Variants in CHRM3 observed in about 807,000 individuals in gnomAD.
The protein encoded by CHRM3 is cholinergic receptor muscarinic 3.
A neutral mutation model predicts 41.8 loss-of-function variants in CHRM3; 11 were observed. The ratio of observed to expected loss-of-function variants is 0.26; its 90% CI spans 0.17 to 0.44. The LOEUF is 0.44. CHRM3 is among the 20% of genes least tolerant of loss of function. The pLI, the probability that CHRM3 is intolerant of heterozygous loss-of-function variation, is 1.00. For missense variants in CHRM3, 571 were observed against 745.4 expected (o/e 0.77, Z 2.72); for synonymous variants, 297 against 301.4 (o/e 0.99, Z 0.15).
At chr1:239,556,582 C>A (rs1660375586) in intron 3 of CHRM3, among the ~76,000 whole-genome samples, 3 of 152,090 alleles carry the variant, frequency 2.0e-5, no homozygotes, top group African/African-American at 7.2e-5. Context: ...CAAAATGTAG[C>A]ACACTAAAAA....
intron 1 of CHRM3, among the ~76,000 whole-genome samples, chr1:239,398,606 G>T (rs1163154012): frequency 6.6e-6 from 1 of 152,090 alleles, no homozygotes; most frequent in Admixed American, 6.5e-5. Context: ...TAGTTAATAT[G>T]TCTCCTCCCA....
At chr1:239,403,979 GAGAGA>G (rs1660210207) in intron 1 of CHRM3, among the ~76,000 whole-genome samples, 1 of 39,680 alleles carries the variant, frequency 2.5e-5, no homozygotes. Flanking sequence ...GGGAGGGGGA[GAGAGA>G]GAGAGAGAGA....
At chr1:239,597,139 T>G (rs1664866790) in intron 3 of CHRM3, among the ~76,000 whole-genome samples, 1 of 152,212 alleles carries the variant, frequency 6.6e-6, no homozygotes, top group Admixed American at 6.5e-5. Context: ...CTTATGTTTT[T>G]GGGAATATTC....
At chr1:239,486,586 G>C (rs940792915) in intron 1 of CHRM3, among the ~76,000 whole-genome samples, 10 of 152,176 alleles carry the variant, frequency 6.6e-5, no homozygotes, top group Non-Finnish European at 1.5e-4. Context: ...GACCTCTCTT[G>C]CAACTACTCA....
chr1:239,766,326 T>C (rs1362132501), intron 5 of CHRM3, among the ~76,000 whole-genome samples: 1 of 152,180 alleles, frequency 6.6e-6, no homozygotes, highest in East Asian at 1.9e-4. Flanking sequence ...CCAAGACTTG[T>C]TGGAATCTAA....
chr1:239,804,669 C>A (rs75593198), intron 5 of CHRM3, among the ~76,000 whole-genome samples: 1 of 152,146 alleles, frequency 6.6e-6, no homozygotes, highest in Non-Finnish European at 1.5e-5. Flanking sequence ...CCATGGGGCA[C>A]GTGCAAGTTC....
intron 3 of CHRM3, among the ~76,000 whole-genome samples, chr1:239,618,240 C>T (rs139148859): frequency 6.9e-6 from 1 of 145,856 alleles, no homozygotes; most frequent in East Asian, 2.1e-4. Flanking sequence ...AAGAGATAGA[C>T]ATGTGAATAG....
At chr1:239,884,548 A>T (rs80257953) in intron 6 of CHRM3, among the ~76,000 whole-genome samples, 2,570 of 152,324 alleles carry the variant, frequency 0.017, 70 homozygotes, top group African/African-American at 0.058. Flanking sequence ...GAATACACTG[A>T]TGCTTGAAGA....
intron 2 of CHRM3, among the ~76,000 whole-genome samples, chr1:239,494,911 T>C (rs982756064): frequency 1.3e-5 from 2 of 152,164 alleles, no homozygotes; most frequent in Non-Finnish European, 2.9e-5. Flanking sequence ...TATTCCATGG[T>C]GTATATACTT....
chr1:239,500,737 A>G (rs1171806229), intron 2 of CHRM3, among the ~76,000 whole-genome samples: 1 of 152,164 alleles, frequency 6.6e-6, no homozygotes, highest in Non-Finnish European at 1.5e-5. Context: ...AACAAAGTAC[A>G]CAGACAACAA....
intron 3 of CHRM3, among the ~76,000 whole-genome samples, chr1:239,562,614 G>T (rs920967342): frequency 6.6e-6 from 1 of 152,090 alleles, no homozygotes; most frequent in African/African-American, 2.4e-5. Context: ...GTTGGGTCAG[G>T]CTTGGTGGCT....
At chr1:239,879,349 G>A (rs947544437) in intron 6 of CHRM3, among the ~76,000 whole-genome samples, 1 of 152,174 alleles carries the variant, frequency 6.6e-6, no homozygotes, top group Non-Finnish European at 1.5e-5. Flanking sequence ...CCCACCCTGC[G>A]AAGCACCACC....
Position 239,825,484 on chromosome 1 carries a change from G to T in CHRM3, c.-146-1768G>T, listed in dbSNP as rs1242052964. 2.6e-5 allele frequency among the ~76,000 whole-genome samples: 4 copies of T among 152,184 alleles called. No individual in the cohort carries two copies. In the East Asian group the frequency reaches 7.8e-4, roughly 30 times the overall value. On this transcript the variant is annotated intron_variant, in intron 5 of 6. Transcript: ENST00000676153. ...CACAGTACACTCAGCACTTATATAT[G>T]ACTGTAAGTTCTCGTGGTGTATGTA...
chr1:239,694,012 A>C (rs1403627651), intron 5 of CHRM3, among the ~76,000 whole-genome samples: 1 of 152,154 alleles, frequency 6.6e-6, no homozygotes, highest in East Asian at 1.9e-4. Flanking sequence ...GCAATAATTC[A>C]TCTATTAGAT....
chr1:239,614,365 A>G (rs1667402485), intron 3 of CHRM3, among the ~76,000 whole-genome samples: 1 of 152,198 alleles, frequency 6.6e-6, no homozygotes, highest in South Asian at 2.1e-4. Context: ...AGAAGGTAGG[A>G]AAGTGGCTGC....
At chr1:239,401,950 A>G (rs1332180952) in intron 1 of CHRM3, among the ~76,000 whole-genome samples, 1 of 152,124 alleles carries the variant, frequency 6.6e-6, no homozygotes, top group African/African-American at 2.4e-5. Flanking sequence ...GACTCCTGCT[A>G]AGTCACTGCC....
chr1:239,825,123 T>C (rs559136478), intron 5 of CHRM3, among the ~76,000 whole-genome samples: 1 of 152,346 alleles, frequency 6.6e-6, no homozygotes, highest in Non-Finnish European at 1.5e-5. Context: ...GTCCAGCGGA[T>C]GCCTTTTTAA....
chr1:239,454,723 G>A (rs1295742213), intron 1 of CHRM3, among the ~76,000 whole-genome samples: 1 of 152,144 alleles, frequency 6.6e-6, no homozygotes, highest in Non-Finnish European at 1.5e-5. Context: ...AAAAGTTGTA[G>A]GAGCTGTTTG....
At chr1:239,849,880 T>C (rs899407356) in intron 6 of CHRM3, among the ~76,000 whole-genome samples, 1 of 152,212 alleles carries the variant, frequency 6.6e-6, no homozygotes, top group African/African-American at 2.4e-5. Flanking sequence ...CTTGTTACTA[T>C]TAGTAACAGA....
Sources: gnomAD v4.1 joint callset for allele counts (sites outside exome capture counted in the v4.1 genomes callset) on GRCh38, gnomAD v4.1.1 for gene constraint, MANE v1.5 for transcripts, NCBI Gene and HGNC (gene_info 2026-07-23, HGNC 2026-07-21) for gene names.